PRICKLE2: variants seen among roughly 807,000 people sequenced by gnomAD.
PRICKLE2 encodes the protein prickle-like protein 2.
In PRICKLE2, 21 loss-of-function variants were observed where a neutral mutation model predicts 81.4. The ratio of observed to expected loss-of-function variants is 0.26; its 90% CI spans 0.18 to 0.37. The LOEUF is 0.37. Ranked by LOEUF, PRICKLE2 falls within the 10% of genes least tolerant of loss-of-function variation. The probability of loss-of-function intolerance (pLI) is 1.00; values close to 1 mark genes in which losing one functional copy is unlikely to be tolerated. For missense variants in PRICKLE2, 940 were observed against 1,109.0 expected (o/e 0.85, Z 2.16); for synonymous variants, 456 against 421.5 (o/e 1.08, Z -1.00).
At chr3:64,257,782 T>C (rs1000698718) in intron 2 of PRICKLE2, among the ~76,000 whole-genome samples, 9 of 152,320 alleles carry the variant, frequency 5.9e-5, no homozygotes, top group African/African-American at 2.2e-4. Context: ...ATGGTTTGAA[T>C]GTTTGTGTCC....
chr3:64,158,288 T>C (rs150447031), intron 4 of PRICKLE2, among the ~76,000 whole-genome samples: 1,746 of 152,284 alleles, frequency 0.011, 26 homozygotes, highest in African/African-American at 0.039. Flanking sequence ...TGCGTTGAAA[T>C]GTATCTTAGA....
At chr3:64,250,297 T>C (rs2079427292) in intron 2 of PRICKLE2, among the ~76,000 whole-genome samples, 2 of 152,234 alleles carry the variant, frequency 1.3e-5, no homozygotes, top group South Asian at 4.1e-4. Context: ...TTTAGCAGCA[T>C]CTCTGACTTC....
chr3:64,159,755 T>C (rs1262029354), intron 4 of PRICKLE2, among the ~76,000 whole-genome samples, 185 bp downstream of exon 4: 3 of 152,226 alleles, frequency 2.0e-5, no homozygotes, highest in African/African-American at 7.2e-5. Context: ...GTTGATTACA[T>C]ATATTGTCTG....
intron 7 of PRICKLE2, among the ~76,000 whole-genome samples, chr3:64,129,213 C>G (rs547144073): frequency 6.6e-6 from 1 of 152,304 alleles, no homozygotes; most frequent in East Asian, 1.9e-4. Context: ...GTTGAGATGC[C>G]TAGTTTAACC....
At chr3:64,250,511 T>TC (rs2079431269) in intron 2 of PRICKLE2, among the ~76,000 whole-genome samples, 1 of 152,110 alleles carries the variant, frequency 6.6e-6, no homozygotes, top group African/African-American at 2.4e-5. Context: ...CCCACACTCT[T>TC]CCCCCATCCC....
intron 5 of PRICKLE2, chr3:64,153,682 G>T: frequency 2.8e-6 from 1 of 352,542 alleles, no homozygotes; most frequent in Non-Finnish European, 5.3e-6. Context: ...CAGGCACATT[G>T]GACATACATA....
At chr3:64,152,552 AT>A (rs11331326) in intron 6 of PRICKLE2, among the ~76,000 whole-genome samples, 14,797 of 144,324 alleles carry the variant, frequency 0.1, 720 homozygotes, top group Non-Finnish European at 0.11. Context: ...AGCTTTTGCT[AT>A]TTTTTTTTTT....
chr3:64,116,845 A>C (rs2076942358), intron 7 of PRICKLE2, among the ~76,000 whole-genome samples: 1 of 152,172 alleles, frequency 6.6e-6, no homozygotes, highest in South Asian at 2.1e-4. Context: ...AACTTATTCT[A>C]TGAGGCCAGC....
At chr3:64,164,630 C>T (rs2077795363) in intron 2 of PRICKLE2, among the ~76,000 whole-genome samples, 1 of 152,152 alleles carries the variant, frequency 6.6e-6, no homozygotes, top group Non-Finnish European at 1.5e-5. Flanking sequence ...GCCTATCATC[C>T]TTTTAATCAA....
intron 2 of PRICKLE2, among the ~76,000 whole-genome samples, chr3:64,242,187 C>T (rs975213277): frequency 1.3e-5 from 2 of 152,042 alleles, no homozygotes; most frequent in African/African-American, 2.4e-5. Context: ...CCCACACTAC[C>T]GCAAATAAAT....
chr3:64,219,656 C>T (rs17666009), intron 1 of PRICKLE2, among the ~76,000 whole-genome samples: 24,315 of 151,710 alleles, frequency 0.16, 2,193 homozygotes, highest in Non-Finnish European at 0.18. Context: ...GATCAACCAA[C>T]GAGATTTTAA....
chr3:64,114,185 C>G (rs981451544), intron 7 of PRICKLE2, among the ~76,000 whole-genome samples: 1 of 148,338 alleles, frequency 6.7e-6, no homozygotes, highest in Admixed American at 6.7e-5. Context: ...TCAAAGTCAT[C>G]AAATAGGATT....
intron 2 of PRICKLE2, among the ~76,000 whole-genome samples, chr3:64,191,425 G>T (rs980637757): frequency 5.9e-5 from 9 of 152,198 alleles, no homozygotes; most frequent in African/African-American, 2.2e-4. Context: ...GGCCAGATCA[G>T]CCCTGTGATC....
intron 7 of PRICKLE2, among the ~76,000 whole-genome samples, chr3:64,140,260 A>C (rs75846695): frequency 6.6e-6 from 1 of 152,320 alleles, no homozygotes; most frequent in East Asian, 1.9e-4. Flanking sequence ...CTATAAGTCC[A>C]GTTTCCAGCT....
intron 1 of PRICKLE2, among the ~76,000 whole-genome samples, chr3:64,220,049 C>A (rs915290975): frequency 6.6e-6 from 1 of 152,204 alleles, no homozygotes; most frequent in African/African-American, 2.4e-5. Context: ...ATAGACTATA[C>A]ACAGACACAT....
Position 64,198,881 on chromosome 3 carries a change from A to G in PRICKLE2, c.47T>C (p.Leu16Pro). Residue 16 changes from leucine (L) to proline (P), a missense_variant, in exon 2 of 8, where the codon CTC becomes CCC. Physicochemically the swap from Leu to Pro is moderately conservative, Grantham distance 98. This residue lies in a region of PRICKLE2 where 270 missense variants were observed against 391.8 expected (regional missense o/e 0.69). Transcript: ENST00000638394. ...CGAGTTCCTCTGAAAGTCAAACATG[A>G]GTTTGCTGATGGTCTTCTCCATCTC... ...PLEMEKTISK[L>P]MFDFQRNSTS... 1 of 1,614,108 alleles carries G rather than the reference A, an allele frequency of 6.2e-7. No homozygotes were observed. Among genetic ancestry groups the G allele is most frequent in the Non-Finnish European group, 8.5e-7 (1 of 1,180,020 alleles).
At chr3:64,151,476 A>T (rs1439262753) in intron 6 of PRICKLE2, among the ~76,000 whole-genome samples, 1 of 152,078 alleles carries the variant, frequency 6.6e-6, no homozygotes, top group Non-Finnish European at 1.5e-5. Flanking sequence ...CAACAGAGAG[A>T]TTTTTTCTCT....
chr3:64,252,283 A>C (rs1343925073), intron 2 of PRICKLE2, among the ~76,000 whole-genome samples: 4 of 152,174 alleles, frequency 2.6e-5, no homozygotes, highest in Non-Finnish European at 4.4e-5. Context: ...GCACCCCCAT[A>C]AGGGCTCCTA....
At chr3:64,128,023 G>A (rs1249527702) in intron 7 of PRICKLE2, among the ~76,000 whole-genome samples, 2 of 152,190 alleles carry the variant, frequency 1.3e-5, no homozygotes, top group Non-Finnish European at 2.9e-5. Flanking sequence ...TATTTTATAT[G>A]ATCAAAAAAA....
Sources: allele counts gnomAD v4.1 joint callset (sites outside exome capture counted in the v4.1 genomes callset), GRCh38; gene constraint gnomAD v4.1.1; regional missense constraint gnomAD v4.1.1; transcripts MANE v1.5; gene names NCBI Gene and HGNC (gene_info 2026-07-23, HGNC 2026-07-21).